GADL1: variants seen among roughly 807,000 people sequenced by gnomAD.
The protein encoded by GADL1 is GAD like acidic amino acid decarboxylase 1.
Under a neutral mutation model 69.5 loss-of-function variants are expected in GADL1, and 71 were observed. The observed-to-expected ratio is 1.02, with a 90% CI of 0.84 to 1.25. GADL1 has a LOEUF of 1.25. Among genes scored for constraint, GADL1 ranks in the 50% most tolerant of loss-of-function variants. The pLI, the probability that GADL1 is intolerant of heterozygous loss-of-function variation, is 0.00. For synonymous variants in GADL1, 254 were observed against 214.4 expected (o/e 1.18, Z -1.62); for missense variants, 737 against 631.8 (o/e 1.17, Z -1.79).
At chr3:30,821,719 AATAG>A (rs1265558519) in intron 11 of GADL1, among the ~76,000 whole-genome samples, 1 of 151,358 alleles carries the variant, frequency 6.6e-6, no homozygotes, top group East Asian at 1.9e-4. Flanking sequence ...TGGAAGAATA[AATAG>A]ATGATAATAA....
Position 30,728,501 on chromosome 3 carries a change from C to T in GADL1, c.1393-86G>A. The T allele has an allele frequency of 2.9e-6, 3 of 1,042,448 alleles. No homozygotes were observed. In the South Asian group the frequency reaches 4.2e-5, roughly 15 times the overall value. 64.6% of individuals were successfully genotyped at this position (1,042,448 alleles called of 1,614,324 possible). Reference sequence around the variant, plus strand: ...ATTTTCACCAGCCATTGGACATTTACTGGGCATCCACTGGTTTGGATCCCA... The same window carrying T: ...ATTTTCACCAGCCATTGGACATTTATTGGGCATCCACTGGTTTGGATCCCA... On this transcript the variant is annotated intron_variant, in intron 14 of 14. Coordinates refer to ENST00000282538, the MANE Select transcript of GADL1 (RefSeq NM_207359.3).
chr3:30,727,385 T>C lies in GADL1; in HGVS notation c.*857A>G, dbSNP rs148150065. Reference sequence around the variant, plus strand: ...TCAATTATTGTGCTTTCAATTATTGTGCTTTGAATTATATATATATATATA... The same window carrying C: ...TCAATTATTGTGCTTTCAATTATTGCGCTTTGAATTATATATATATATATA... On this transcript the variant is annotated 3_prime_UTR_variant, in exon 15 of 15. Coordinates refer to ENST00000282538, the MANE Select transcript of GADL1 (RefSeq NM_207359.3). 717 of 146,800 alleles carry C rather than the reference T, an allele frequency of 4.9e-3. 6 individuals are homozygous for C. The highest frequency in any genetic ancestry group is 0.017 in the African/African-American group (675 of 39,748). 9.1% of individuals were successfully genotyped at this position (146,800 alleles called of 1,614,324 possible).
chr3:30,756,335 C>G (rs1238023027), intron 14 of GADL1, among the ~76,000 whole-genome samples: 1 of 151,998 alleles, frequency 6.6e-6, no homozygotes, highest in Non-Finnish European at 1.5e-5. Context: ...GATTCGTTGC[C>G]AAGTCCAAGT....
In GADL1 at chr3:30,850,020, T is replaced by A. The variant is rs555228456; in HGVS notation, c.627A>T (p.Arg209Ser). 2.4e-5 allele frequency: 39 copies of A among 1,604,434 alleles called. No homozygotes were observed. In the South Asian group the frequency reaches 4.0e-4, roughly 16 times the overall value. The change falls in exon 6 of 15, where the codon AGA (arginine) becomes AGT (serine). Residue 209 changes from arginine to serine, a missense_variant. Physicochemically the swap from Arg to Ser is moderately radical, Grantham distance 110. Transcript: ENST00000282538. ...IKEKGLSGSPRLILFTSAECH... is the reference protein window; with the variant it reads ...IKEKGLSGSPSLILFTSAECH... ...CCTCTGCAGATGTGAAAAGGATTAATCTTGGCGAACCAGACAGCCCCTTTT... is the reference window on the plus strand; with the variant it reads ...CCTCTGCAGATGTGAAAAGGATTAAACTTGGCGAACCAGACAGCCCCTTTT...
chr3:30,814,036 G>C (rs932658327), intron 11 of GADL1, among the ~76,000 whole-genome samples: 4 of 152,174 alleles, frequency 2.6e-5, no homozygotes, highest in Non-Finnish European at 4.4e-5. Context: ...CAAGGAAAAA[G>C]GAAATTACAT....
At chr3:30,767,365 A>T (rs1696306068) in intron 14 of GADL1, among the ~76,000 whole-genome samples, 1 of 152,196 alleles carries the variant, frequency 6.6e-6, no homozygotes, top group Non-Finnish European at 1.5e-5. Flanking sequence ...CAGATTTGAG[A>T]ACCTATCGTA....
chr3:30,752,830 A>C (rs1024287975), intron 14 of GADL1, among the ~76,000 whole-genome samples: 2 of 146,210 alleles, frequency 1.4e-5, no homozygotes, highest in African/African-American at 4.9e-5. Context: ...AGAGTTTTCT[A>C]TTTAAGTTAA....
chr3:30,884,979 A>G (rs1242917931), intron 1 of GADL1, among the ~76,000 whole-genome samples: 1 of 152,038 alleles, frequency 6.6e-6, no homozygotes. Flanking sequence ...GCCTCAGTCT[A>G]TATCAGAATA....
At chr3:30,751,863 A>G (rs1435642408) in intron 14 of GADL1, among the ~76,000 whole-genome samples, 1 of 152,260 alleles carries the variant, frequency 6.6e-6, no homozygotes, top group Non-Finnish European at 1.5e-5. Context: ...ATTAAATGGC[A>G]GGGCTAAATC....
Position 30,737,480 on chromosome 3 carries a change from G to T in GADL1, c.1393-9065C>A, listed in dbSNP as rs143299134. Among the ~76,000 whole-genome samples, 7 of 152,134 alleles carry T rather than the reference G, an allele frequency of 4.6e-5. No individual in the cohort carries two copies. In the East Asian group the frequency reaches 1.4e-3, roughly 29 times the overall value. On this transcript the variant is annotated intron_variant, in intron 14 of 14. Transcript: ENST00000282538. The stretch of plus-strand genomic sequence containing the variant: ...AACAATGAGCCTCTTAGTTTTGATT[G>T]CTCAAAGAATCAATTTTTCTCTTCT...
intron 1 of GADL1, among the ~76,000 whole-genome samples, chr3:30,867,439 T>TATATATATATATATATATAC (rs1319135425): frequency 0.012 from 1,624 of 138,660 alleles, 21 homozygotes; most frequent in Non-Finnish European, 0.017. Flanking sequence ...TATATATATA[T>TATATATATATATATATATAC]ACACATATAT....
At chr3:30,760,523 A>G (rs773752523) in intron 14 of GADL1, among the ~76,000 whole-genome samples, 5 of 152,128 alleles carry the variant, frequency 3.3e-5, no homozygotes, top group Non-Finnish European at 7.4e-5. Context: ...AACCACATCC[A>G]GCAATATTTC....
chr3:30,751,469 C>T (rs765199276), intron 14 of GADL1, among the ~76,000 whole-genome samples: 8 of 151,080 alleles, frequency 5.3e-5, no homozygotes, highest in Non-Finnish European at 8.8e-5. Context: ...TTCTGTTCAA[C>T]ATTCCGAGAA....
chr3:30,890,893 C>T (rs1343523068), intron 1 of GADL1, among the ~76,000 whole-genome samples: 1 of 152,122 alleles, frequency 6.6e-6, no homozygotes, highest in Admixed American at 6.5e-5. Context: ...CATATTATTC[C>T]TAATCTTCAT....
chr3:30,792,332 G>A (rs1696941766), intron 12 of GADL1, among the ~76,000 whole-genome samples: 1 of 152,128 alleles, frequency 6.6e-6, no homozygotes, highest in Admixed American at 6.6e-5. Flanking sequence ...TAGCACTGTG[G>A]GAGGCTGAGG....
chr3:30,786,537 C>A, intron 12 of GADL1, 131 bp from the exon 13 acceptor site: 1 of 640,024 alleles, frequency 1.6e-6, no homozygotes, highest in Admixed American at 2.6e-5. Context: ...AAGGAACAGG[C>A]AGAGCTATGG....
At chr3:30,834,073 T>A (rs1697833700) in intron 10 of GADL1, 139 bp from the exon 11 acceptor site, 1 of 931,608 alleles carries the variant, frequency 1.1e-6, no homozygotes, top group Non-Finnish European at 1.7e-6. Context: ...TCTGAGTGGT[T>A]TAAGGAATTT....
chr3:30,775,974 A>G (rs1310683756), intron 14 of GADL1, among the ~76,000 whole-genome samples: 1 of 151,906 alleles, frequency 6.6e-6, no homozygotes, highest in East Asian at 1.9e-4. Flanking sequence ...GATCACAGCT[A>G]CTCGGGAGAC....
At chr3:30,828,980 C>T (rs1392928211) in intron 11 of GADL1, among the ~76,000 whole-genome samples, 1 of 151,754 alleles carries the variant, frequency 6.6e-6, no homozygotes, top group Non-Finnish European at 1.5e-5. Flanking sequence ...GTTCTCATAC[C>T]TGTTGAGTTT....
Sources: gnomAD v4.1 joint callset for allele counts (sites outside exome capture counted in the v4.1 genomes callset) on GRCh38, gnomAD v4.1.1 for gene constraint, MANE v1.5 for transcripts, NCBI Gene and HGNC (gene_info 2026-07-23, HGNC 2026-07-21) for gene names.